DIAPH3: variants seen among roughly 807,000 people sequenced by gnomAD.
DIAPH3 encodes diaphanous related formin 3, also known as protein diaphanous homolog 3.
In DIAPH3, 117 loss-of-function variants were observed where a neutral mutation model predicts 144.3. The observed-to-expected ratio is 0.81, with a 90% CI of 0.70 to 0.95. DIAPH3 has a LOEUF of 0.95. Among genes scored for constraint, DIAPH3 ranks in the 40% least tolerant of loss-of-function variants. The probability of loss-of-function intolerance (pLI) is 0.00; values close to 1 mark genes in which losing one functional copy is unlikely to be tolerated. For missense variants in DIAPH3, 1,421 were observed against 1,412.7 expected (o/e 1.01, Z -0.09); for synonymous variants, 519 against 488.9 (o/e 1.06, Z -0.81).
intron 17 of DIAPH3, among the ~76,000 whole-genome samples, chr13:59,932,399 GTCA>G (rs905183020): frequency 3.3e-5 from 5 of 151,660 alleles, no homozygotes; most frequent in Non-Finnish European, 7.4e-5. Context: ...TAGTATCATT[GTCA>G]TCATCATCAT....
At chr13:59,869,572 C>T (rs192829889) in intron 21 of DIAPH3, among the ~76,000 whole-genome samples, 1 of 152,108 alleles carries the variant, frequency 6.6e-6, no homozygotes, top group African/African-American at 2.4e-5. Flanking sequence ...TTTGTTTCGA[C>T]TTTTTGTTGT....
intron 4 of DIAPH3, among the ~76,000 whole-genome samples, chr13:60,075,297 G>C (rs73532923): frequency 2.1e-3 from 316 of 152,184 alleles, no homozygotes; most frequent in African/African-American, 7.4e-3. Context: ...TTTTCTTAAT[G>C]ATTTGTAGGT....
At chr13:59,973,147 A>G (rs2050484348) in intron 15 of DIAPH3, among the ~76,000 whole-genome samples, 2 of 152,184 alleles carry the variant, frequency 1.3e-5, no homozygotes, top group Admixed American at 1.3e-4. Flanking sequence ...CACTTTCAAA[A>G]CATACACTTA....
At chr13:59,784,720 C>T (rs1452348304) in intron 25 of DIAPH3, among the ~76,000 whole-genome samples, 3 of 152,086 alleles carry the variant, frequency 2.0e-5, no homozygotes, top group Non-Finnish European at 2.9e-5. Flanking sequence ...GTGAAGATTA[C>T]AATCTGGAAT....
In DIAPH3 at chr13:59,666,707, C is replaced by T. The variant is rs778548533; in HGVS notation, c.3459G>A (p.Glu1153=). ...HTSTGRIKAA[E]KKEACNVESN... ...TTTCTACATTACACGCTTCCTTCTT[C>T]TCAGCTGCCTTGATCCTCCCAGTAG... The change falls in exon 28 of 28, where the codon GAG becomes GAA. Residue 1153 remains glutamate, a synonymous_variant. Coordinates refer to ENST00000400324, the MANE Select transcript of DIAPH3 (RefSeq NM_001042517.2). 5.6e-6 allele frequency: 9 copies of T among 1,614,132 alleles called. No individual in the cohort carries two copies. The highest frequency in any genetic ancestry group is 7.6e-6 in the Non-Finnish European group (9 of 1,180,012).
chr13:59,841,845 G>C (rs1041089517), intron 22 of DIAPH3, among the ~76,000 whole-genome samples: 17 of 152,090 alleles, frequency 1.1e-4, no homozygotes, highest in African/African-American at 4.1e-4. Context: ...AGAACATCAT[G>C]AAGTAGGCAT....
intron 17 of DIAPH3, among the ~76,000 whole-genome samples, chr13:59,941,783 GA>G (rs901913736): frequency 1.3e-5 from 2 of 151,292 alleles, no homozygotes; most frequent in African/African-American, 4.8e-5. Flanking sequence ...ACTCAATTAG[GA>G]AAAAAAATGT....
At position 60,115,485 on chromosome 13, in the gene DIAPH3, G is replaced by A. The variant is rs2058679562; in HGVS notation, c.214-3299C>T. Among the ~76,000 whole-genome samples, 5 of 152,184 alleles carry A rather than the reference G, an allele frequency of 3.3e-5. 1 individual carries two copies. The South Asian group carries it at 1.0e-3, about 31-fold the overall frequency. The stretch of plus-strand genomic sequence containing the variant: ...TTAAGTAGATACTCAACACACCTGA[G>A]CTCACCGGAATAGCAACCAGAGGTG... On this transcript the variant is annotated intron_variant, in intron 2 of 27. Transcript: ENST00000400324.
chr13:59,729,166 C>T (rs913256674), intron 27 of DIAPH3, among the ~76,000 whole-genome samples: 1 of 152,162 alleles, frequency 6.6e-6, no homozygotes, highest in African/African-American at 2.4e-5. Context: ...ATATAAAAAG[C>T]TTGACTATAG....
In DIAPH3 at chr13:59,899,147, G is replaced by A. The variant is rs185150021; in HGVS notation, c.2367+12588C>T. On this transcript the variant is annotated intron_variant, in intron 20 of 27. Transcript: ENST00000400324. ...TCGGTCACAGACTAAAGGCTGCAGT[G>A]CCAGCTTCCCTACTTTCGAGGCTTT... is the stretch of plus-strand genomic sequence containing the variant. Among the ~76,000 whole-genome samples, 140 of 152,254 alleles carry A rather than the reference G, an allele frequency of 9.2e-4. 2 individuals are homozygous for A. Among genetic ancestry groups the A allele is most frequent in the African/African-American group, 3.3e-3 (137 of 41,534 alleles).
At chr13:59,707,739 C>G (rs2138802499) in intron 27 of DIAPH3, among the ~76,000 whole-genome samples, 1 of 152,128 alleles carries the variant, frequency 6.6e-6, no homozygotes, top group South Asian at 2.1e-4. Flanking sequence ...CTACAAACTC[C>G]CTTCACTGCT....
chr13:59,977,248 A>C (rs2050730830), intron 14 of DIAPH3, among the ~76,000 whole-genome samples: 1 of 151,814 alleles, frequency 6.6e-6, no homozygotes, highest in Non-Finnish European at 1.5e-5. Context: ...AGAGAGACTG[A>C]AAGCTGGGGA....
chr13:59,861,199 G>T, intron 22 of DIAPH3: 1 of 1,446,694 alleles, frequency 6.9e-7, no homozygotes, highest in Non-Finnish European at 9.1e-7. Flanking sequence ...TATAATATAA[G>T]GCCTCATCAT....
chr13:60,153,593 A>G (rs897530268), intron 1 of DIAPH3: 2 of 152,150 alleles, frequency 1.3e-5, no homozygotes, highest in East Asian at 3.8e-4. Flanking sequence ...CAAAATATAC[A>G]CATATTTTTC....
intron 20 of DIAPH3, among the ~76,000 whole-genome samples, chr13:59,903,898 GA>G (rs1320848329): frequency 6.6e-6 from 1 of 152,178 alleles, no homozygotes; most frequent in Non-Finnish European, 1.5e-5. Flanking sequence ...GCTGGGAATA[GA>G]AAGATGAGCA....
intron 27 of DIAPH3, among the ~76,000 whole-genome samples, chr13:59,736,889 C>T (rs1333746991): frequency 6.6e-6 from 1 of 152,122 alleles, no homozygotes; most frequent in Non-Finnish European, 1.5e-5. Context: ...CTGACAAAAA[C>T]AAGCAACGGG....
chr13:59,851,851 C>A (rs998758514), intron 22 of DIAPH3, among the ~76,000 whole-genome samples: 3 of 152,134 alleles, frequency 2.0e-5, no homozygotes, highest in Admixed American at 6.5e-5. Flanking sequence ...ATCTCTTGAC[C>A]TCATGATCCG....
intron 5 of DIAPH3, among the ~76,000 whole-genome samples, chr13:60,026,780 A>G (rs9563781): frequency 1.3e-5 from 2 of 152,308 alleles, no homozygotes; most frequent in East Asian, 3.9e-4. Context: ...AGATAATATT[A>G]TACATTTTTC....
chr13:59,911,856 AG>A lies in DIAPH3; in HGVS notation c.2266-21del. ...TAAGTTCTAAAAATTAAAACCAGAA[AG>A]AAAGATCTTCACTAAATGTACTTCT... On this transcript the variant is annotated intron_variant, in intron 19 of 27. Transcript: ENST00000400324. 1.3e-6 allele frequency: 2 copies of A among 1,508,384 alleles called. No homozygotes were observed. Among genetic ancestry groups the A allele is most frequent in the Non-Finnish European group, 1.8e-6 (2 of 1,084,548 alleles). 93.4% of individuals were successfully genotyped at this position (1,508,384 alleles called of 1,614,324 possible).
Sources: allele counts gnomAD v4.1 joint callset (sites outside exome capture counted in the v4.1 genomes callset), GRCh38; gene constraint gnomAD v4.1.1; transcripts MANE v1.5; gene names NCBI Gene and HGNC (gene_info 2026-07-23, HGNC 2026-07-21).